Variants in SLC7A14 observed in about 807,000 individuals in gnomAD.
SLC7A14 encodes solute carrier family 7 member 14, also known as gamma-aminobutyric acid transporter SLC7A14.
A neutral mutation model predicts 60.2 loss-of-function variants in SLC7A14; 37 were observed. The ratio of observed to expected loss-of-function variants is 0.61; its 90% CI spans 0.47 to 0.81. The LOEUF (loss-of-function observed/expected upper bound fraction) is 0.81. SLC7A14 is among the 30% of genes least tolerant of loss of function. The pLI is 0.00. For missense variants in SLC7A14, 886 were observed against 982.7 expected, an observed-to-expected ratio of 0.90 and a Z score of 1.32; for synonymous variants, 399 against 395.8, an observed-to-expected ratio of 1.01 and a Z score of -0.10.
Position 170,526,075 on chromosome 3 carries a change from T to A in SLC7A14, c.304+558A>T, listed in dbSNP as rs1372727252. 9.0e-4 allele frequency among the ~76,000 whole-genome samples: 115 copies of A among 127,594 alleles called. 1 individual carries two copies. In the East Asian group the frequency reaches 0.015, roughly 17 times the overall value. The allele number at this position is 127,594 out of a possible 152,430, so 83.7% of individuals were successfully genotyped here. A position where few individuals can be genotyped will look rare whatever the true frequency, so the allele number is the denominator to read the frequency against. On this transcript the variant is annotated intron_variant, in intron 2 of 7. Transcript: ENST00000231706. The stretch of plus-strand genomic sequence containing the variant: ...CTGGGCGACAGAGCAAGACTCTGTT[T>A]AAAAAAAAAAAACCCAGAAAACAAA...
At chr3:170,534,856 A>G (rs1197038398) in intron 1 of SLC7A14, among the ~76,000 whole-genome samples, 2 of 152,224 alleles carry the variant, frequency 1.3e-5, no homozygotes, top group Non-Finnish European at 2.9e-5. Context: ...ATAGTTTCCC[A>G]TTCTGCTCCC....
chr3:170,548,505 G>C (rs1049172024), intron 1 of SLC7A14, among the ~76,000 whole-genome samples: 1 of 152,210 alleles, frequency 6.6e-6, no homozygotes, highest in African/African-American at 2.4e-5. Flanking sequence ...CCCCACCTCT[G>C]GGTCTTCACA....
At chr3:170,483,079 A>G (rs139974737) in intron 6 of SLC7A14, among the ~76,000 whole-genome samples, 115 of 152,142 alleles carry the variant, frequency 7.6e-4, no homozygotes, top group Middle Eastern at 3.4e-3. Context: ...AGGAGGGAGG[A>G]CAGTGGGGGG....
intron 3 of SLC7A14, 43 bp downstream of exon 3, chr3:170,501,066 G>C: frequency 1.3e-6 from 2 of 1,588,590 alleles, no homozygotes; most frequent in Non-Finnish European, 1.7e-6. Flanking sequence ...TATGTGGCTT[G>C]GTAAGTTTGC....
intron 1 of SLC7A14, among the ~76,000 whole-genome samples, chr3:170,566,727 G>C (rs888137181): frequency 6.6e-6 from 1 of 151,878 alleles, no homozygotes; most frequent in Admixed American, 6.6e-5. Context: ...CAGCCATTGA[G>C]CTTGTAATAA....
At chr3:170,542,082 A>G (rs1380372739) in intron 1 of SLC7A14, among the ~76,000 whole-genome samples, 1 of 152,122 alleles carries the variant, frequency 6.6e-6, no homozygotes, top group Non-Finnish European at 1.5e-5. Flanking sequence ...TGGAGATACA[A>G]TTTTTTAGGC....
chr3:170,547,135 CCTT>C (rs1467223775), intron 1 of SLC7A14, among the ~76,000 whole-genome samples: 3 of 152,168 alleles, frequency 2.0e-5, no homozygotes, highest in Admixed American at 6.5e-5. Context: ...TCTTTCCCTT[CCTT>C]CTTCTCCTTT....
intron 1 of SLC7A14, among the ~76,000 whole-genome samples, chr3:170,529,173 T>C (rs1713600782): frequency 6.6e-6 from 1 of 152,158 alleles, no homozygotes; most frequent in South Asian, 2.1e-4. Flanking sequence ...CATGAGTAAA[T>C]AAGATACCAC....
intron 1 of SLC7A14, among the ~76,000 whole-genome samples, chr3:170,555,101 G>C (rs1049750178): frequency 7.9e-5 from 12 of 152,012 alleles, no homozygotes; most frequent in Admixed American, 7.2e-4. Context: ...CTGGGAAGCG[G>C]AGGTTGCAGT....
intron 4 of SLC7A14, chr3:170,495,991 C>T (rs2108277266): frequency 1.7e-6 from 2 of 1,161,178 alleles, no homozygotes; most frequent in Non-Finnish European, 1.3e-6. Context: ...AATAAGCGTA[C>T]AGAAACGGAG....
Position 170,462,593 on chromosome 3 carries a change from A to T in SLC7A14, c.*4462T>A, listed in dbSNP as rs1739630060. The T allele has an allele frequency of 6.6e-6, 1 of 152,126 alleles. No homozygotes were observed. Among genetic ancestry groups the T allele is most frequent in the African/African-American group, 2.4e-5 (1 of 41,408 alleles). The allele number at this position is 152,126 out of a possible 1,614,324, so 9.4% of individuals were successfully genotyped here. On this transcript the variant is annotated 3_prime_UTR_variant, in exon 8 of 8. Coordinates refer to ENST00000231706, the MANE Select transcript of SLC7A14 (RefSeq NM_020949.3). ...CTACTAGTTTGTTACTAAGAAGTAG[A>T]ACTGGCACACGCCTATAATCCCAGC...
At chr3:170,578,270 A>G (rs1715149463) in intron 1 of SLC7A14, among the ~76,000 whole-genome samples, 1 of 152,280 alleles carries the variant, frequency 6.6e-6, no homozygotes, top group South Asian at 2.1e-4. Context: ...CACGTAAACA[A>G]TTGGTCAATG....
chr3:170,516,385 G>A (rs1306707234), intron 2 of SLC7A14, among the ~76,000 whole-genome samples: 3 of 152,006 alleles, frequency 2.0e-5, no homozygotes, highest in East Asian at 1.9e-4. Context: ...CCCAATAAAC[G>A]TGAGCGTTCC....
At chr3:170,540,207 C>A (rs1210524928) in intron 1 of SLC7A14, among the ~76,000 whole-genome samples, 1 of 152,132 alleles carries the variant, frequency 6.6e-6, no homozygotes, top group Non-Finnish European at 1.5e-5. Context: ...TGGAATTTTC[C>A]ATTTCATATT....
Position 170,530,966 on chromosome 3 carries a change from C to T in SLC7A14, c.-152-3878G>A, listed in dbSNP as rs529909820. 2.6e-5 allele frequency among the ~76,000 whole-genome samples: 4 copies of T among 152,268 alleles called. No homozygotes were observed. In the South Asian group the frequency reaches 8.3e-4, roughly 32 times the overall value. The stretch of plus-strand genomic sequence containing the variant: ...TGAGGGGTGGTGAATGGTTTCCCAT[C>T]TTGAGACCCTTGGCAGTGGCTCTCC... On this transcript the variant is annotated intron_variant, in intron 1 of 7. Transcript: ENST00000231706.
intron 1 of SLC7A14, among the ~76,000 whole-genome samples, chr3:170,540,723 A>G (rs971163292): frequency 6.6e-6 from 1 of 152,126 alleles, no homozygotes; most frequent in Non-Finnish European, 1.5e-5. Flanking sequence ...ACATCTTTCA[A>G]TGCTAACAGC....
At position 170,467,396 on chromosome 3, in the gene SLC7A14, G is replaced by C. The variant is rs1739748572; in HGVS notation, c.1994-19C>G. The C allele has an allele frequency of 6.5e-7, 1 of 1,528,800 alleles. No homozygotes were observed. Among genetic ancestry groups the C allele is most frequent in the African/African-American group, 1.4e-5 (1 of 72,230 alleles). 94.7% of individuals were successfully genotyped at this position (1,528,800 alleles called of 1,614,324 possible). ...AGCAGACCTGTGGGGCGAGGGGAAA[G>C]GTACAGGTGAATAAGCAATTGCTTT... On this transcript the variant is annotated intron_variant, in intron 7 of 7. Transcript: ENST00000231706.
chr3:170,464,604 A>G lies in SLC7A14; in HGVS notation c.*2451T>C, dbSNP rs1739676970. On this transcript the variant is annotated 3_prime_UTR_variant, in exon 8 of 8. Coordinates refer to ENST00000231706, the MANE Select transcript of SLC7A14 (RefSeq NM_020949.3). ...TAGGGAGGTGATTTATCAACTTTAG[A>G]AAAATAAAGGGAGCTAAGCTTAAAA... 1 of 152,174 alleles carries G rather than the reference A, an allele frequency of 6.6e-6. No individual in the cohort carries two copies. The highest frequency in any genetic ancestry group is 2.4e-5 in the African/African-American group (1 of 41,428). 9.4% of individuals were successfully genotyped at this position (152,174 alleles called of 1,614,324 possible).
intron 4 of SLC7A14, among the ~76,000 whole-genome samples, chr3:170,490,203 C>T (rs1410878747): frequency 6.6e-6 from 1 of 152,088 alleles, no homozygotes; most frequent in African/African-American, 2.4e-5. Context: ...TCTCATGTAC[C>T]CCATAAATAT....
Sources: allele counts gnomAD v4.1 joint callset (sites outside exome capture counted in the v4.1 genomes callset), GRCh38; gene constraint gnomAD v4.1.1; transcripts MANE v1.5; gene names NCBI Gene and HGNC (gene_info 2026-07-23, HGNC 2026-07-21).